The following SPRED1 variants were observed in gnomAD, a reference collection of about 807,000 sequenced individuals.
SPRED1 encodes the protein sprouty-related, EVH1 domain-containing protein 1.
In SPRED1, 18 loss-of-function variants were observed where a neutral mutation model predicts 52.3. That is an observed-to-expected ratio of 0.34 (90% CI 0.24 to 0.51). The LOEUF is 0.51. Ranked by LOEUF, SPRED1 falls within the 20% of genes least tolerant of loss-of-function variation. SPRED1 has a pLI of 0.97. For missense variants in SPRED1, 485 were observed against 551.0 expected (o/e 0.88, Z 1.20); for synonymous variants, 155 against 179.7 (o/e 0.86, Z 1.10).
intron 1 of SPRED1, among the ~76,000 whole-genome samples, chr15:38,261,998 C>CTTTTTT (rs35445689): frequency 7.4e-6 from 1 of 135,666 alleles, no homozygotes; most frequent in East Asian, 2.1e-4. Context: ...TCACCAAACT[C>CTTTTTT]TTTTTTTTTT....
intron 2 of SPRED1, among the ~76,000 whole-genome samples, chr15:38,320,447 A>T (rs1895578600): frequency 6.6e-6 from 1 of 152,190 alleles, no homozygotes; most frequent in Non-Finnish European, 1.5e-5. Flanking sequence ...GAAAGCATTG[A>T]AAAGACATTG....
At chr15:38,310,153 G>GTGTGTGTGTGTTTT (rs373463622) in intron 2 of SPRED1, among the ~76,000 whole-genome samples, 23 of 132,266 alleles carry the variant, frequency 1.7e-4, no homozygotes, top group East Asian at 9.2e-4. Context: ...GTGTGTGTGT[G>GTGTGTGTGTGTTTT]TTTGGAGACG....
chr15:38,258,997 G>A (rs1894155609), intron 1 of SPRED1, among the ~76,000 whole-genome samples: 1 of 152,242 alleles, frequency 6.6e-6, no homozygotes, highest in African/African-American at 2.4e-5. Context: ...AGCATCATAT[G>A]TGCCCTTCCT....
In SPRED1 at chr15:38,284,772, C is replaced by T. The variant is rs920751107; in HGVS notation, c.33-14601C>T. On this transcript the variant is annotated intron_variant, in intron 1 of 6. Transcript: ENST00000299084. ...TGATGTTCCTTGTTGTTATCACCTACTAAATGTTTGTATGCATTTGGATGC... is the reference window on the plus strand; with the variant it reads ...TGATGTTCCTTGTTGTTATCACCTATTAAATGTTTGTATGCATTTGGATGC... Among the ~76,000 whole-genome samples the T allele has an allele frequency of 9.9e-5, 15 of 151,918 alleles. No homozygotes were observed. The South Asian group carries it at 3.1e-3, about 31-fold the overall frequency.
At chr15:38,294,814 G>A (rs1049915494) in intron 1 of SPRED1, among the ~76,000 whole-genome samples, 1 of 152,158 alleles carries the variant, frequency 6.6e-6, no homozygotes, top group African/African-American at 2.4e-5. Context: ...GTGGGCCAGG[G>A]TAATCATAGA....
In SPRED1 at chr15:38,354,780, G is replaced by C. The variant is rs893458795; in HGVS notation, c.*3116G>C. 6 of 152,180 alleles carry C rather than the reference G, an allele frequency of 3.9e-5. No homozygotes were observed. Among genetic ancestry groups the C allele is most frequent in the Admixed American group, 3.3e-4 (5 of 15,278 alleles). 9.4% of individuals were successfully genotyped at this position (152,180 alleles called of 1,614,324 possible). ...GGACTGGCAATCAAACTTAATGGAT[G>C]TACTGAGGCATTTATAGAACCAGTT... On this transcript the variant is annotated 3_prime_UTR_variant, in exon 7 of 7. Transcript: ENST00000299084.
intron 4 of SPRED1, among the ~76,000 whole-genome samples, chr15:38,325,156 A>G (rs1016942144): frequency 6.6e-6 from 1 of 152,086 alleles, no homozygotes; most frequent in Non-Finnish European, 1.5e-5. Flanking sequence ...CTTTTTGAGT[A>G]TGGACATGAC....
chr15:38,333,710 A>C (rs991339781), intron 4 of SPRED1, among the ~76,000 whole-genome samples: 1 of 152,136 alleles, frequency 6.6e-6, no homozygotes, highest in Non-Finnish European at 1.5e-5. Flanking sequence ...TGAGAACTGG[A>C]ACATATGTAT....
At chr15:38,301,819 C>A (rs538702839) in intron 2 of SPRED1, among the ~76,000 whole-genome samples, 1 of 151,976 alleles carries the variant, frequency 6.6e-6, no homozygotes, top group African/African-American at 2.4e-5. Flanking sequence ...TGATTTTATT[C>A]ATTGGTTATT....
chr15:38,263,931 T>G (rs572238085), intron 1 of SPRED1, among the ~76,000 whole-genome samples: 6 of 152,252 alleles, frequency 3.9e-5, no homozygotes, highest in African/African-American at 1.4e-4. Flanking sequence ...TTGGATGAGC[T>G]TGCTGTAGAT....
intron 2 of SPRED1, among the ~76,000 whole-genome samples, chr15:38,308,656 TA>T (rs1309113033): frequency 2.0e-5 from 3 of 152,200 alleles, no homozygotes; most frequent in Non-Finnish European, 2.9e-5. Flanking sequence ...TGATCCAGGT[TA>T]TTGAGTATCT....
intron 1 of SPRED1, among the ~76,000 whole-genome samples, chr15:38,255,725 A>G (rs756562352): frequency 6.6e-6 from 1 of 152,230 alleles, no homozygotes; most frequent in Non-Finnish European, 1.5e-5. Flanking sequence ...GGCAGAAGCC[A>G]TTAAGGCCTT....
At chr15:38,339,922 G>T in intron 5 of SPRED1, 27 bp downstream of exon 5, 1 of 1,613,218 alleles carries the variant, frequency 6.2e-7, no homozygotes, top group Non-Finnish European at 8.5e-7. Context: ...TTTTTTCGGC[G>T]CGTTGTTTAT....
intron 1 of SPRED1, among the ~76,000 whole-genome samples, chr15:38,268,943 T>G (rs1894369427): frequency 2.0e-5 from 3 of 146,746 alleles, no homozygotes; most frequent in African/African-American, 7.4e-5. Context: ...CTTTTTTCTT[T>G]TTTTTTTTTT....
intron 4 of SPRED1, among the ~76,000 whole-genome samples, chr15:38,334,349 A>G (rs1452498861): frequency 6.6e-6 from 1 of 151,996 alleles, no homozygotes; most frequent in Admixed American, 6.6e-5. Flanking sequence ...AGAGAAACAC[A>G]GAGGAGTAAT....
At chr15:38,254,369 C>G (rs1243331960) in intron 1 of SPRED1, among the ~76,000 whole-genome samples, 1 of 152,132 alleles carries the variant, frequency 6.6e-6, no homozygotes, top group East Asian at 1.9e-4. Flanking sequence ...CCCTCCCCAC[C>G]CCAAAACACA....
chr15:38,277,326 A>G (rs1211035590), intron 1 of SPRED1, among the ~76,000 whole-genome samples: 1 of 151,946 alleles, frequency 6.6e-6, no homozygotes, highest in Non-Finnish European at 1.5e-5. Context: ...GTCCATGTGT[A>G]CTCAATGTTT....
chr15:38,296,225 G>A (rs958301489), intron 1 of SPRED1, among the ~76,000 whole-genome samples: 14 of 151,998 alleles, frequency 9.2e-5, no homozygotes, highest in Non-Finnish European at 2.9e-5. Context: ...GTTCTGTAAG[G>A]GAGAAAAGAA....
chr15:38,336,895 CAT>C (rs1895935748), intron 4 of SPRED1, among the ~76,000 whole-genome samples: 1 of 152,084 alleles, frequency 6.6e-6, no homozygotes, highest in South Asian at 2.1e-4. Context: ...AGAACTTACT[CAT>C]GTGACCAAAC....
Sources: gnomAD v4.1 joint callset for allele counts (sites outside exome capture counted in the v4.1 genomes callset) on GRCh38, gnomAD v4.1.1 for gene constraint, MANE v1.5 for transcripts, NCBI Gene and HGNC (gene_info 2026-07-23, HGNC 2026-07-21) for gene names.